Variants in MSH3 observed in about 807,000 individuals in gnomAD.
MSH3 encodes the protein DNA mismatch repair protein Msh3.
A neutral mutation model predicts 123.3 loss-of-function variants in MSH3; 106 were observed. The ratio of observed to expected loss-of-function variants is 0.86; its 90% CI spans 0.73 to 1.01. The LOEUF is 1.01. Ranked by LOEUF, MSH3 falls within the 50% of genes least tolerant of loss-of-function variation. The probability of loss-of-function intolerance (pLI) is 0.00; values close to 1 mark genes in which losing one functional copy is unlikely to be tolerated. For synonymous variants in MSH3, 515 were observed against 481.4 expected (o/e 1.07, Z -0.91); for missense variants, 1,459 against 1,347.6 (o/e 1.08, Z -1.29).
chr5:80,822,868 ACTCAGGAACAGCCT>A lies in MSH3; in HGVS notation c.2813+9128_2813+9141del, dbSNP rs1194618635. Among the ~76,000 whole-genome samples, 22 of 152,152 alleles carry A rather than the reference ACTCAGGAACAGCCT, an allele frequency of 1.4e-4. 1 individual carries two copies. The highest frequency in any genetic ancestry group is 1.4e-3 in the Admixed American group (21 of 15,274). ...TGCTGAGACATGCCTTTATCTCATGACTCAGGAACAGCCTTAAGGAACTGGCCCAATTGCCAATC... is the reference window on the plus strand; with the variant it reads ...TGCTGAGACATGCCTTTATCTCATGATAAGGAACTGGCCCAATTGCCAATC... On this transcript the variant is annotated intron_variant, in intron 20 of 23. Transcript: ENST00000265081.
At chr5:80,774,067 C>A (rs1233632361) in intron 15 of MSH3, among the ~76,000 whole-genome samples, 1 of 152,044 alleles carries the variant, frequency 6.6e-6, no homozygotes, top group Non-Finnish European at 1.5e-5. Context: ...CGCGCCCGGC[C>A]TGAATTTGGT....
At chr5:80,846,508 C>A (rs1016723113) in intron 20 of MSH3, among the ~76,000 whole-genome samples, 1 of 152,124 alleles carries the variant, frequency 6.6e-6, no homozygotes, top group Admixed American at 6.5e-5. Flanking sequence ...GCCCTGCCCC[C>A]AGAGGTGGAA....
chr5:80,854,367 A>G (rs370345175), intron 21 of MSH3, 51 bp downstream of exon 21: 51 of 1,510,416 alleles, frequency 3.4e-5, no homozygotes, highest in Non-Finnish European at 4.5e-5. Context: ...GTAAATTATT[A>G]TTTTTAAATG....
intron 8 of MSH3, among the ~76,000 whole-genome samples, chr5:80,692,717 TATATA>T (rs1266768031): frequency 1.3e-4 from 17 of 131,052 alleles, no homozygotes; most frequent in Non-Finnish European, 2.9e-4. Context: ...TGTATATGTT[TATATA>T]GATAAATATA....
intron 17 of MSH3, among the ~76,000 whole-genome samples, chr5:80,785,418 C>T (rs1169905434): frequency 1.3e-5 from 2 of 152,144 alleles, no homozygotes; most frequent in Non-Finnish European, 2.9e-5. Context: ...TACCATCTCA[C>T]ACCAGTTAGA....
chr5:80,739,431 A>G (rs1220249640), intron 10 of MSH3, among the ~76,000 whole-genome samples: 2 of 152,258 alleles, frequency 1.3e-5, no homozygotes, highest in Non-Finnish European at 1.5e-5. Context: ...AGGGAAAAAT[A>G]TAAACCCAAC....
At position 80,741,671 on chromosome 5, in the gene MSH3, A is replaced by G. The variant is rs557819023; in HGVS notation, c.1653+123A>G. On this transcript the variant is annotated intron_variant, in intron 11 of 23. Coordinates refer to ENST00000265081, the MANE Select transcript of MSH3 (RefSeq NM_002439.5). ...GTGTCTTTAGCTGACTGCAGTATTA[A>G]TTGATAACTGTAGCTCTTTTTGGAG... is the stretch of plus-strand genomic sequence containing the variant. The G allele has an allele frequency of 6.2e-5, 46 of 738,396 alleles. 1 individual carries two copies. In the South Asian group the frequency reaches 6.3e-4, roughly 10 times the overall value. 45.7% of individuals were successfully genotyped at this position (738,396 alleles called of 1,614,324 possible).
intron 20 of MSH3, among the ~76,000 whole-genome samples, chr5:80,819,614 G>A (rs999838712): frequency 5.3e-5 from 8 of 151,826 alleles, no homozygotes; most frequent in Non-Finnish European, 8.8e-5. Context: ...AGCCTCCTGA[G>A]TAGCTGGGAT....
chr5:80,779,163 T>C (rs1215121237), intron 17 of MSH3, among the ~76,000 whole-genome samples: 1 of 151,914 alleles, frequency 6.6e-6, no homozygotes, highest in Non-Finnish European at 1.5e-5. Context: ...CAGCTAATTT[T>C]TGTATTTTTA....
At chr5:80,722,008 T>C (rs1000482080) in intron 8 of MSH3, among the ~76,000 whole-genome samples, 11 of 152,210 alleles carry the variant, frequency 7.2e-5, no homozygotes, top group African/African-American at 2.7e-4. Flanking sequence ...CATATGCCCA[T>C]GAGAATTTGT....
At chr5:80,767,690 T>C (rs1744146074) in intron 13 of MSH3, among the ~76,000 whole-genome samples, 2 of 152,124 alleles carry the variant, frequency 1.3e-5, no homozygotes, top group South Asian at 2.1e-4. Context: ...ATTTTAAAAA[T>C]GAAAAAATAC....
At chr5:80,740,658 C>T (rs1461128632) in intron 10 of MSH3, among the ~76,000 whole-genome samples, 1 of 152,036 alleles carries the variant, frequency 6.6e-6, no homozygotes, top group African/African-American at 2.4e-5. Flanking sequence ...CTGTGCCTGG[C>T]CGCATGTGTG....
chr5:80,829,502 T>G (rs765917455), intron 20 of MSH3, among the ~76,000 whole-genome samples: 5 of 152,216 alleles, frequency 3.3e-5, no homozygotes, highest in African/African-American at 4.8e-5. Flanking sequence ...ATCATGTGAT[T>G]TTTCTTCTTT....
intron 8 of MSH3, among the ~76,000 whole-genome samples, chr5:80,690,350 C>A (rs1428206245): frequency 1.3e-5 from 2 of 152,026 alleles, no homozygotes; most frequent in African/African-American, 4.8e-5. Context: ...CTCTGTCACC[C>A]AGACTGGAGT....
chr5:80,784,457 G>C (rs1294029302), intron 17 of MSH3, among the ~76,000 whole-genome samples: 2 of 151,764 alleles, frequency 1.3e-5, no homozygotes, highest in Non-Finnish European at 2.9e-5. Context: ...ATATTTATGG[G>C]GTACGTGAGA....
At chr5:80,799,535 A>C (rs914587146) in intron 19 of MSH3, among the ~76,000 whole-genome samples, 9 of 77,896 alleles carry the variant, frequency 1.2e-4, no homozygotes, top group African/African-American at 4.3e-4. Context: ...TTTTTTTTAC[A>C]GAAAATTAGC....
rs577926013 is a variant in MSH3, at chr5:80,786,411, C to T, written c.2436-1154C>T. 3.0e-3 allele frequency among the ~76,000 whole-genome samples: 463 copies of T among 152,210 alleles called. 1 individual carries two copies. Among genetic ancestry groups the T allele is most frequent in the Non-Finnish European group, 4.8e-3 (327 of 67,992 alleles). Reference sequence around the variant, plus strand: ...TGTAAAGAATATGTAGTGGCTTCTTCGTAGTCTTTGATTAGTAAATGTTTG... The same window carrying T: ...TGTAAAGAATATGTAGTGGCTTCTTTGTAGTCTTTGATTAGTAAATGTTTG... On this transcript the variant is annotated intron_variant, in intron 17 of 23. Transcript: ENST00000265081.
At chr5:80,753,755 T>C (rs531458561) in intron 12 of MSH3, among the ~76,000 whole-genome samples, 1 of 152,108 alleles carries the variant, frequency 6.6e-6, no homozygotes. Context: ...TCTCATCACA[T>C]AGGCAGTTAG....
chr5:80,846,950 A>G (rs1745733855), intron 20 of MSH3, among the ~76,000 whole-genome samples: 1 of 151,892 alleles, frequency 6.6e-6, no homozygotes, highest in Non-Finnish European at 1.5e-5. Context: ...CAATGAGATA[A>G]AGCAGGTACC....
Sources: allele counts gnomAD v4.1 joint callset (sites outside exome capture counted in the v4.1 genomes callset), GRCh38; gene constraint gnomAD v4.1.1; transcripts MANE v1.5; gene names NCBI Gene and HGNC (gene_info 2026-07-23, HGNC 2026-07-21).